The following MARCHF5 variants were observed in gnomAD, a reference collection of about 807,000 sequenced individuals.
The protein encoded by MARCHF5 is membrane associated ring-CH-type finger 5.
Under a neutral mutation model 36.5 loss-of-function variants are expected in MARCHF5, and 5 were observed. That is an observed-to-expected ratio of 0.14 (90% CI 0.07 to 0.29). MARCHF5 has a LOEUF of 0.29. Among genes scored for constraint, MARCHF5 ranks in the 10% least tolerant of loss-of-function variants. MARCHF5 has a pLI of 1.00. For missense variants in MARCHF5, 179 were observed against 336.3 expected, an observed-to-expected ratio of 0.53 and a Z score of 3.66; for synonymous variants, 103 against 109.9, an observed-to-expected ratio of 0.94 and a Z score of 0.39.
intron 2 of MARCHF5, among the ~76,000 whole-genome samples, chr10:92,336,404 G>T (rs1267160397): frequency 6.6e-6 from 1 of 152,146 alleles, no homozygotes; most frequent in African/African-American, 2.4e-5. Flanking sequence ...AAATATTTTA[G>T]ACTTTGCATG....
intron 2 of MARCHF5, among the ~76,000 whole-genome samples, chr10:92,338,446 A>C (rs1843531061): frequency 6.6e-6 from 1 of 152,226 alleles, no homozygotes; most frequent in African/African-American, 2.4e-5. Flanking sequence ...ATAGACCCTC[A>C]AGAAATGCTA....
chr10:92,307,440 C>T (rs780298238), intron 1 of MARCHF5, among the ~76,000 whole-genome samples: 1 of 152,070 alleles, frequency 6.6e-6, no homozygotes, highest in Non-Finnish European at 1.5e-5. Context: ...TTCTTTAGAA[C>T]TTAACATATT....
chr10:92,325,921 C>G (rs1014762828), intron 2 of MARCHF5, among the ~76,000 whole-genome samples: 21 of 152,182 alleles, frequency 1.4e-4, no homozygotes, highest in Admixed American at 1.3e-3. Context: ...TCCAGTGATC[C>G]GCCTGCCTTG....
rs149923738 is a variant in MARCHF5 at position 92,353,205 on chromosome 10, A to T, written c.*1998A>T. ...AGTGGCCTCTAGCCCCGAATTGAACACTTTTAAACCTAAAGAGCCTTATTA... is the reference window on the plus strand; with the variant it reads ...AGTGGCCTCTAGCCCCGAATTGAACTCTTTTAAACCTAAAGAGCCTTATTA... On this transcript the variant is annotated 3_prime_UTR_variant, in exon 6 of 6. Coordinates refer to ENST00000358935, the MANE Select transcript of MARCHF5 (RefSeq NM_017824.5). The T allele has an allele frequency of 3.8e-4, 58 of 152,224 alleles. No homozygotes were observed. Among genetic ancestry groups the T allele is most frequent in the African/African-American group, 1.4e-3 (58 of 41,538 alleles). 9.4% of individuals were successfully genotyped at this position (152,224 alleles called of 1,614,324 possible). A position where few individuals can be genotyped will look rare whatever the true frequency, so the allele number is the denominator to read the frequency against.
rs1843567074 is a variant in MARCHF5 at position 92,340,564 on chromosome 10, C to A, written c.239-109C>A. ...TATAATCTGGATGACAAAGTGAGACCCTGTGTCTTGTTGGGGGGAAGGTAT... is the reference window on the plus strand; with the variant it reads ...TATAATCTGGATGACAAAGTGAGACACTGTGTCTTGTTGGGGGGAAGGTAT... On this transcript the variant is annotated intron_variant, in intron 2 of 5. Coordinates refer to ENST00000358935, the MANE Select transcript of MARCHF5 (RefSeq NM_017824.5). The A allele has an allele frequency of 5.9e-6, 6 of 1,019,898 alleles. No homozygotes were observed. In the East Asian group the frequency reaches 1.5e-4, roughly 26 times the overall value. 63.2% of individuals were successfully genotyped at this position (1,019,898 alleles called of 1,614,324 possible). A position where few individuals can be genotyped will look rare whatever the true frequency, so the allele number is the denominator to read the frequency against.
intron 1 of MARCHF5, among the ~76,000 whole-genome samples, chr10:92,300,844 T>C (rs1186746817): frequency 6.6e-6 from 1 of 152,050 alleles, no homozygotes; most frequent in South Asian, 2.1e-4. Flanking sequence ...TATTTTTCTC[T>C]TCTTCTCCAG....
At chr10:92,292,011 C>T (rs1241005902) in intron 1 of MARCHF5, among the ~76,000 whole-genome samples, 1 of 151,830 alleles carries the variant, frequency 6.6e-6, no homozygotes, top group African/African-American at 2.4e-5. Context: ...TCCCTGAACC[C>T]GCACCCCCCG....
chr10:92,308,832 G>A (rs1037227568), intron 1 of MARCHF5, among the ~76,000 whole-genome samples: 1 of 151,696 alleles, frequency 6.6e-6, no homozygotes, highest in East Asian at 1.9e-4. Flanking sequence ...AGCCTCCTGA[G>A]TAGCTGGGAC....
intron 2 of MARCHF5, among the ~76,000 whole-genome samples, chr10:92,318,456 C>G (rs1186797881): frequency 6.6e-6 from 1 of 150,620 alleles, no homozygotes; most frequent in Admixed American, 6.6e-5. Flanking sequence ...GCTAGGGGCC[C>G]ACAACTGTAA....
intron 2 of MARCHF5, among the ~76,000 whole-genome samples, chr10:92,317,636 G>A (rs1843228581): frequency 3.3e-5 from 5 of 151,896 alleles, no homozygotes; most frequent in Non-Finnish European, 2.9e-5. Flanking sequence ...CTGTGACCTT[G>A]CTGAACTTGC....
At chr10:92,325,641 G>C (rs937649486) in intron 2 of MARCHF5, among the ~76,000 whole-genome samples, 3 of 152,018 alleles carry the variant, frequency 2.0e-5, no homozygotes, top group Admixed American at 6.6e-5. Flanking sequence ...TAAATTCTTA[G>C]TTTTCAAGTT....
intron 2 of MARCHF5, among the ~76,000 whole-genome samples, chr10:92,338,199 T>C (rs1016987425): frequency 2.6e-5 from 4 of 151,588 alleles, no homozygotes; most frequent in Non-Finnish European, 4.4e-5. Flanking sequence ...AAAAAAAAAA[T>C]CGAATTATCA....
Position 92,349,467 on chromosome 10 carries a change from A to C in MARCHF5, c.488A>C (p.Asp163Ala), listed in dbSNP as rs1389302629. 2 of 1,614,026 alleles carry C rather than the reference A, an allele frequency of 1.2e-6. No homozygotes were observed. The highest frequency in any genetic ancestry group is 1.7e-6 in the Non-Finnish European group (2 of 1,180,034). The change falls in exon 4 of 6, where the codon GAC (aspartate) becomes GCC (alanine). Residue 163 changes from aspartate to alanine, a missense_variant. Asp to Ala is a moderately radical substitution (Grantham distance 126, BLOSUM62 -2). Around this residue, in one of 3 missense-constraint regions of MARCHF5, gnomAD observed 95 missense variants for 139.5 expected, o/e 0.68. Coordinates refer to ENST00000358935, the MANE Select transcript of MARCHF5 (RefSeq NM_017824.5). ...TTAGGCAAGATGATTCGCTGGGAGG[A>C]CTATGTGCTTAGACTGTGGCGCAAA... is the stretch of plus-strand genomic sequence containing the variant. ...LILGKMIRWE[D>A]YVLRLWRKYS...
intron 3 of MARCHF5, among the ~76,000 whole-genome samples, chr10:92,344,516 A>G (rs1843618542): frequency 1.3e-5 from 2 of 152,098 alleles, no homozygotes; most frequent in South Asian, 2.1e-4. Flanking sequence ...GAGACTAGCT[A>G]TGACAGTAGG....
intron 3 of MARCHF5, among the ~76,000 whole-genome samples, chr10:92,349,064 C>T (rs1564955437): frequency 6.6e-6 from 1 of 152,138 alleles, no homozygotes; most frequent in Non-Finnish European, 1.5e-5. Context: ...ATAGAAGCAA[C>T]AATCAGAGGT....
At chr10:92,299,862 G>T (rs1842991633) in intron 1 of MARCHF5, among the ~76,000 whole-genome samples, 1 of 152,024 alleles carries the variant, frequency 6.6e-6, no homozygotes, top group South Asian at 2.1e-4. Context: ...TGCCTCATTT[G>T]CTCAAAACTT....
At position 92,340,912 on chromosome 10, in the gene MARCHF5, A is replaced by G. The variant is rs1486484820; in HGVS notation, c.369+109A>G. 1.6e-5 allele frequency: 16 copies of G among 1,000,606 alleles called. No individual in the cohort carries two copies. The East Asian group carries it at 3.9e-4, about 25-fold the overall frequency. The allele number at this position is 1,000,606 out of a possible 1,614,324, so 62.0% of individuals were successfully genotyped here. A position where few individuals can be genotyped will look rare whatever the true frequency, so the allele number is the denominator to read the frequency against. On this transcript the variant is annotated intron_variant, in intron 3 of 5. Coordinates refer to ENST00000358935, the MANE Select transcript of MARCHF5 (RefSeq NM_017824.5). Reference sequence around the variant, plus strand: ...ATTTTGAATAAGAAATAACATTCTCATGTTCTTTCTAAATGTTATTTCCCC... The same window carrying G: ...ATTTTGAATAAGAAATAACATTCTCGTGTTCTTTCTAAATGTTATTTCCCC...
At chr10:92,345,914 T>A (rs1217950014) in intron 3 of MARCHF5, among the ~76,000 whole-genome samples, 1 of 152,044 alleles carries the variant, frequency 6.6e-6, no homozygotes, top group South Asian at 2.1e-4. Context: ...AGTCTCAAAC[T>A]CCTAGACTCA....
At chr10:92,323,272 T>C (rs1168345401) in intron 2 of MARCHF5, among the ~76,000 whole-genome samples, 2 of 152,136 alleles carry the variant, frequency 1.3e-5, no homozygotes, top group African/African-American at 4.8e-5. Flanking sequence ...GTAAACCATA[T>C]GCCAGCCTCC....
Sources: gnomAD v4.1 joint callset for allele counts (sites outside exome capture counted in the v4.1 genomes callset) on GRCh38, gnomAD v4.1.1 for gene constraint, gnomAD v4.1.1 regional missense constraint, MANE v1.5 for transcripts, NCBI Gene and HGNC (gene_info 2026-07-23, HGNC 2026-07-21) for gene names.